Variants in GALNT14 observed in about 807,000 individuals in gnomAD.
GALNT14 encodes polypeptide N-acetylgalactosaminyltransferase 14, also known as UDP-GalNAc:polypeptide N-acetylgalactosaminyltransferase 14.
GALNT14 carries 60 observed loss-of-function variants against 77.5 expected under a neutral mutation model. That is an observed-to-expected ratio of 0.77 (90% confidence interval 0.63 to 0.96). The LOEUF (loss-of-function observed/expected upper bound fraction) is 0.96, where lower values mean the gene tolerates loss of function less well. GALNT14 is among the 40% of genes least tolerant of loss of function. GALNT14 has a pLI of 0.00. For missense variants in GALNT14, 710 were observed against 731.0 expected, an observed-to-expected ratio of 0.97 and a Z score of 0.33; for synonymous variants, 280 against 281.7, an observed-to-expected ratio of 0.99 and a Z score of 0.06.
chr2:31,058,176 G>A (rs114686887), intron 1 of GALNT14, among the ~76,000 whole-genome samples: 2,530 of 152,292 alleles, frequency 0.017, 63 homozygotes, highest in African/African-American at 0.058. Flanking sequence ...GCCTGCAACA[G>A]CTGTTTCCTA....
intron 1 of GALNT14, among the ~76,000 whole-genome samples, chr2:30,995,300 A>G (rs2148409633): frequency 6.6e-6 from 1 of 152,188 alleles, no homozygotes; most frequent in East Asian, 1.9e-4. Flanking sequence ...TTCTGTTTTG[A>G]TATGTTTAGA....
intron 1 of GALNT14, among the ~76,000 whole-genome samples, chr2:31,070,191 C>A (rs1204846244): frequency 6.6e-6 from 1 of 152,200 alleles, no homozygotes; most frequent in East Asian, 1.9e-4. Context: ...AGGTTGACCA[C>A]GGGCTATTCC....
chr2:30,991,215 C>T (rs899406255), intron 2 of GALNT14: 3 of 151,788 alleles, frequency 2.0e-5, no homozygotes, highest in Non-Finnish European at 4.4e-5. Context: ...TCCAGGTGCG[C>T]CAGCAACTTT....
chr2:30,911,525 T>G (rs936058691), intron 14 of GALNT14, among the ~76,000 whole-genome samples: 3 of 152,072 alleles, frequency 2.0e-5, no homozygotes, highest in African/African-American at 7.2e-5. Context: ...GTTCTCACAC[T>G]TGACCTCGCA....
chr2:30,890,192 G>C, the GALNT14 span, among the ~76,000 whole-genome samples: 1 of 152,294 alleles, frequency 6.6e-6, no homozygotes, highest in East Asian at 1.9e-4. Context: ...GGACCCACAG[G>C]ATGATTTGAT....
chr2:30,972,355 G>A (rs145317892), intron 2 of GALNT14, among the ~76,000 whole-genome samples: 350 of 152,316 alleles, frequency 2.3e-3, no homozygotes, highest in Admixed American at 4.5e-3. Context: ...CAGGCCTGGC[G>A]TGGCGTGGGA....
intron 1 of GALNT14, chr2:31,114,681 AG>A: frequency 1.4e-6 from 1 of 696,898 alleles, no homozygotes; most frequent in South Asian, 1.6e-5. Context: ...TAATCCCAGA[AG>A]GGGAAAAAGG....
intron 2 of GALNT14, among the ~76,000 whole-genome samples, chr2:30,985,259 A>G (rs929740624): frequency 6.6e-6 from 1 of 152,202 alleles, no homozygotes; most frequent in Non-Finnish European, 1.5e-5. Flanking sequence ...GTTTAGATGA[A>G]TTCTCATCAG....
At chr2:30,942,410 G>A in intron 8 of GALNT14, 106 bp from the exon 9 acceptor site, 1 of 779,928 alleles carries the variant, frequency 1.3e-6, no homozygotes, top group Admixed American at 2.2e-5. Context: ...TTTGGGGAAA[G>A]AAAACCCCAT....
chr2:31,028,492 G>A (rs1672212509), intron 1 of GALNT14, among the ~76,000 whole-genome samples: 1 of 152,230 alleles, frequency 6.6e-6, no homozygotes, highest in Admixed American at 6.5e-5. Context: ...CCTCCACCAG[G>A]TCCGGTTAGC....
intron 7 of GALNT14, among the ~76,000 whole-genome samples, chr2:30,945,215 G>A (rs957420589): frequency 5.9e-5 from 9 of 152,226 alleles, no homozygotes; most frequent in Admixed American, 3.9e-4. Context: ...AAAAAGCCTA[G>A]GGGTAGGGGC....
At chr2:30,950,796 G>A (rs1054684823) in intron 6 of GALNT14, among the ~76,000 whole-genome samples, 2 of 152,244 alleles carry the variant, frequency 1.3e-5, no homozygotes, top group Non-Finnish European at 2.9e-5. Flanking sequence ...GCAGCAGGCA[G>A]ACATTGCTCA....
intron 1 of GALNT14, among the ~76,000 whole-genome samples, chr2:31,106,894 GC>G (rs1228092002): frequency 3.3e-5 from 5 of 152,146 alleles, no homozygotes; most frequent in Admixed American, 6.5e-5. Context: ...TGGAAGGAGG[GC>G]CCAGGGTAGA....
chr2:30,983,787 ACACACACACACACACACACACGTATG>A (rs1033108037), intron 2 of GALNT14, among the ~76,000 whole-genome samples: 11 of 27,508 alleles, frequency 4.0e-4, no homozygotes, highest in African/African-American at 1.4e-3. Context: ...AAACACACAC[ACACACACACACACACACACACGTATG>A]CACACACACA....
chr2:31,060,417 G>A (rs1437281673), intron 1 of GALNT14, among the ~76,000 whole-genome samples: 5 of 152,160 alleles, frequency 3.3e-5, no homozygotes, highest in African/African-American at 1.2e-4. Flanking sequence ...CCTGCCACAG[G>A]GAAAATCCTT....
intron 1 of GALNT14, among the ~76,000 whole-genome samples, chr2:31,136,182 G>A (rs1031371147): frequency 6.7e-6 from 1 of 149,698 alleles, no homozygotes; most frequent in African/African-American, 2.6e-5. Context: ...ATCTGGCCTC[G>A]CCACCTCACT....
chr2:31,114,483 A>G (rs1211662668), intron 1 of GALNT14, among the ~76,000 whole-genome samples: 1 of 152,232 alleles, frequency 6.6e-6, no homozygotes, highest in Non-Finnish European at 1.5e-5. Context: ...TGATTTTTCA[A>G]ACTAAAAAGC....
At chr2:31,089,557 T>G (rs77087298) in intron 1 of GALNT14, among the ~76,000 whole-genome samples, 2,110 of 152,268 alleles carry the variant, frequency 0.014, 41 homozygotes, top group African/African-American at 0.048. Context: ...TCACTTCTTA[T>G]GCCAACTTCC....
At chr2:31,003,563 GTC>G (rs1184814987) in intron 1 of GALNT14, among the ~76,000 whole-genome samples, 1 of 152,062 alleles carries the variant, frequency 6.6e-6, no homozygotes, top group Non-Finnish European at 1.5e-5. Context: ...CTCTCATTTA[GTC>G]TCTGACAACA....
Sources: allele counts gnomAD v4.1 joint callset (sites outside exome capture counted in the v4.1 genomes callset), GRCh38; gene constraint gnomAD v4.1.1; transcripts MANE v1.5; gene names NCBI Gene and HGNC (gene_info 2026-07-23, HGNC 2026-07-21).